The following MGRN1 variants were observed in gnomAD, a reference collection of about 807,000 sequenced individuals.
MGRN1 encodes the protein E3 ubiquitin-protein ligase MGRN1.
A neutral mutation model predicts 69.2 loss-of-function variants in MGRN1; 29 were observed. That is an observed-to-expected ratio of 0.42 (90% confidence interval 0.31 to 0.57). The LOEUF (loss-of-function observed/expected upper bound fraction) is 0.57. Among genes scored for constraint, MGRN1 ranks in the 20% least tolerant of loss-of-function variants. MGRN1 has a pLI of 0.15. For missense variants in MGRN1, 998 were observed against 796.2 expected, an observed-to-expected ratio of 1.25 and a Z score of -3.05; for synonymous variants, 470 against 344.2, an observed-to-expected ratio of 1.37 and a Z score of -4.04.
chr16:4,681,687 G>C lies in MGRN1; in HGVS notation c.1269G>C (p.Leu423=), dbSNP rs751789718. 6.0e-5 allele frequency: 97 copies of C among 1,613,424 alleles called. No homozygotes were observed. The highest frequency in any genetic ancestry group is 2.6e-4 in the South Asian group (24 of 91,088). Residue 423 remains leucine (L), a synonymous_variant, in exon 13 of 17, where the codon CTG becomes CTC. Transcript: ENST00000262370. ...EITYSGISDG[L]SQASCPLAAI... ...CCTATTCAGGCATCTCGGACGGCCT[G>C]TCCCAGGCCAGCTGTCCCCTCGCGG... is the stretch of plus-strand genomic sequence containing the variant.
chr16:4,676,195 A>C (rs2079049521), intron 10 of MGRN1, among the ~76,000 whole-genome samples: 1 of 152,202 alleles, frequency 6.6e-6, no homozygotes, highest in African/African-American at 2.4e-5. Context: ...CCGGCCGCCC[A>C]GCCTGTGGCA....
At chr16:4,687,047 C>A in intron 16 of MGRN1, 4 of 985,726 alleles carry the variant, frequency 4.1e-6, no homozygotes, top group Non-Finnish European at 4.8e-6. Context: ...GCATGGCCAC[C>A]GTGGGCCTGG....
At position 4,689,214 on chromosome 16, in the gene MGRN1, G is replaced by A. The variant is rs1401191453; in HGVS notation, c.*306G>A. ...GCTGGGGCTGGGGCTGCCCACGTGT[G>A]GCCTCCGCTGGCTCTGCCTGCTCCT... On this transcript the variant is annotated 3_prime_UTR_variant, in exon 17 of 17. Coordinates refer to ENST00000262370, the MANE Select transcript of MGRN1 (RefSeq NM_015246.4). The A allele has an allele frequency of 3.1e-6, 1 of 321,970 alleles. No homozygotes were observed. The highest frequency in any genetic ancestry group is 2.1e-5 in the African/African-American group (1 of 47,330). The allele number at this position is 321,970 out of a possible 1,614,324, so 19.9% of individuals were successfully genotyped here. A position where few individuals can be genotyped will look rare whatever the true frequency, so the allele number is the denominator to read the frequency against.
Position 4,657,330 on chromosome 16 carries a change from C to G in MGRN1, c.528C>G (p.Phe176Leu). Residue 176 changes from phenylalanine (F) to leucine (L), a missense_variant, in exon 5 of 17, where the codon TTC becomes TTG. Transcript: ENST00000262370. ...GVSQQFSLPS[F>L]KIDFSEWKDD... is the part of the protein sequence containing the mutation. Reference sequence around the variant, plus strand: ...GCCAGCAGTTCTCCCTGCCCTCCTTCAAGATTGACTTCTCGGAATGGAAGG... The same window carrying G: ...GCCAGCAGTTCTCCCTGCCCTCCTTGAAGATTGACTTCTCGGAATGGAAGG... 1 of 1,614,142 alleles carries G rather than the reference C, an allele frequency of 6.2e-7. No individual in the cohort carries two copies. The highest frequency in any genetic ancestry group is 8.5e-7 in the Non-Finnish European group (1 of 1,179,972).
At chr16:4,682,982 C>T (rs553803614) in intron 14 of MGRN1, 36 bp downstream of exon 14, 300 of 1,506,100 alleles carry the variant, frequency 2.0e-4, no homozygotes, top group Non-Finnish European at 2.3e-4. Context: ...CGCACCCGCC[C>T]GGGCCAGCCC....
At chr16:4,659,625 C>G (rs147319611) in intron 5 of MGRN1, among the ~76,000 whole-genome samples, 1 of 152,244 alleles carries the variant, frequency 6.6e-6, no homozygotes, top group East Asian at 1.9e-4. Flanking sequence ...AAGGAGGGCC[C>G]GCGTGCAGCA....
intron 1 of MGRN1, chr16:4,639,736 G>T (rs1054956045): frequency 2.0e-5 from 3 of 152,274 alleles, no homozygotes; most frequent in African/African-American, 7.2e-5. Flanking sequence ...GTGTACCAGG[G>T]TTGGTGGGTT....
intron 12 of MGRN1, 138 bp from the exon 13 acceptor site, chr16:4,681,412 G>C (rs1284123114): frequency 1.3e-6 from 1 of 751,938 alleles, no homozygotes. Context: ...GTGCTGCCAG[G>C]GAGCTCTTGG....
At chr16:4,682,765 G>C in intron 13 of MGRN1, 58 bp from the exon 14 acceptor site, 2 of 1,460,522 alleles carry the variant, frequency 1.4e-6, no homozygotes, top group South Asian at 3.0e-5. Context: ...GCTTTGGCAG[G>C]GTTAGCCTTC....
At chr16:4,666,495 C>T (rs980252948) in intron 7 of MGRN1, among the ~76,000 whole-genome samples, 4 of 152,202 alleles carry the variant, frequency 2.6e-5, no homozygotes, top group Non-Finnish European at 5.9e-5. Context: ...GAGGCCAGCC[C>T]TGTAGAATTC....
intron 16 of MGRN1, 93 bp downstream of exon 16, chr16:4,684,025 G>T: frequency 8.9e-7 from 1 of 1,121,012 alleles, no homozygotes; most frequent in African/African-American, 1.5e-5. Context: ...CATAGCAGCA[G>T]AGGCTGTCCA....
At chr16:4,688,676 A>G in intron 16 of MGRN1, 120 bp from the exon 17 acceptor site, 4 of 1,444,298 alleles carry the variant, frequency 2.8e-6, no homozygotes, top group Admixed American at 2.7e-5. Flanking sequence ...TTGTGGCCAC[A>G]GGCGGCGGGA....
At chr16:4,639,979 G>C (rs1471884020) in intron 1 of MGRN1, 1 of 152,328 alleles carries the variant, frequency 6.6e-6, no homozygotes, top group Non-Finnish European at 1.5e-5. Flanking sequence ...CTGCTGCGTT[G>C]AGTCCGTCTG....
chr16:4,687,588 C>CAT, intron 16 of MGRN1: 1 of 979,552 alleles, frequency 1.0e-6, no homozygotes, highest in Non-Finnish European at 1.2e-6. Context: ...TACACACACA[C>CAT]ACACACACAC....
chr16:4,643,704 A>T (rs894422843), intron 1 of MGRN1, among the ~76,000 whole-genome samples: 5 of 152,186 alleles, frequency 3.3e-5, no homozygotes, highest in African/African-American at 1.2e-4. Flanking sequence ...GTGTGTCTGC[A>T]ACCAAAATAT....
chr16:4,664,531 CACAT>C, intron 5 of MGRN1, 174 bp from the exon 6 acceptor site: 1 of 633,284 alleles, frequency 1.6e-6, no homozygotes. Context: ...TTTTAACACA[CACAT>C]AAAAAAGGTG....
chr16:4,647,749 C>T (rs948555591), intron 1 of MGRN1, among the ~76,000 whole-genome samples: 2 of 152,110 alleles, frequency 1.3e-5, no homozygotes, highest in Admixed American at 6.6e-5. Context: ...AAAATCAGGG[C>T]GTCCCACTTG....
chr16:4,659,389 C>G (rs2078625239), intron 5 of MGRN1, among the ~76,000 whole-genome samples: 1 of 152,064 alleles, frequency 6.6e-6, no homozygotes, highest in Non-Finnish European at 1.5e-5. Flanking sequence ...GGGTCCCTCC[C>G]CAGCCCCTCT....
intron 4 of MGRN1, among the ~76,000 whole-genome samples, chr16:4,656,980 G>T (rs1400480370): frequency 1.3e-5 from 2 of 152,200 alleles, no homozygotes; most frequent in African/African-American, 4.8e-5. Flanking sequence ...CACTGGGGAG[G>T]TATCAAAGGG....
Sources: gnomAD v4.1 joint callset for allele counts (sites outside exome capture counted in the v4.1 genomes callset) on GRCh38, gnomAD v4.1.1 for gene constraint, MANE v1.5 for transcripts, NCBI Gene and HGNC (gene_info 2026-07-23, HGNC 2026-07-21) for gene names.